Variants in ATOX1 observed in about 807,000 individuals in gnomAD.
ATOX1 encodes the protein antioxidant 1 copper chaperone, also known as copper transport protein ATOX1.
ATOX1 carries 4 observed loss-of-function variants against 7.3 expected under a neutral mutation model. The observed-to-expected ratio is 0.55, with a 90% confidence interval of 0.27 to 1.25. ATOX1 has a LOEUF of 1.25. Among genes scored for constraint, ATOX1 ranks in the 50% most tolerant of loss-of-function variants. The probability of loss-of-function intolerance (pLI) is 0.12; values close to 1 mark genes in which losing one functional copy is unlikely to be tolerated. For missense variants in ATOX1, 68 were observed against 81.6 expected (o/e 0.83, Z 0.64); for synonymous variants, 25 against 28.7 (o/e 0.87, Z 0.41).
At position 151,758,555 on chromosome 5, in the gene ATOX1, T is replaced by C. The variant is rs1762044100; in HGVS notation, c.-4A>G. 2 of 1,437,004 alleles carry C rather than the reference T, an allele frequency of 1.4e-6. No individual in the cohort carries two copies. Among genetic ancestry groups the C allele is most frequent in the Non-Finnish European group, 1.8e-6 (2 of 1,090,700 alleles). 89.0% of individuals were successfully genotyped at this position (1,437,004 alleles called of 1,614,324 possible). A position where few individuals can be genotyped will look rare whatever the true frequency, so the allele number is the denominator to read the frequency against. On this transcript the variant is annotated 5_prime_UTR_variant, in exon 1 of 4. Coordinates refer to ENST00000313115, the MANE Select transcript of ATOX1 (RefSeq NM_004045.4). ...CGGCGCAACCACTCACCGGCATGAC[T>C]GAGGCAGCGGCGGTGTGGCGGCGGT...
intron 1 of ATOX1, among the ~76,000 whole-genome samples, chr5:151,754,286 C>T (rs1439595315): frequency 6.6e-6 from 1 of 152,154 alleles, no homozygotes; most frequent in Non-Finnish European, 1.5e-5. Context: ...CCCCACATTA[C>T]AGTCTGAGAT....
At chr5:151,756,428 C>CTTCTTTCT (rs151169290) in intron 1 of ATOX1, among the ~76,000 whole-genome samples, 2 of 150,560 alleles carry the variant, frequency 1.3e-5, no homozygotes, top group Non-Finnish European at 3.0e-5. Context: ...CTTCTCTTCT[C>CTTCTTTCT]TTCTTTCTTT....
At chr5:151,746,157 G>T in intron 3 of ATOX1, 122 bp downstream of exon 3, 1 of 822,642 alleles carries the variant, frequency 1.2e-6, no homozygotes, top group Non-Finnish European at 1.8e-6. Context: ...AAGGTGGACA[G>T]TGGATTGAAA....
At chr5:151,752,279 TTA>T (rs1275693425) in intron 1 of ATOX1, 2 of 702,546 alleles carry the variant, frequency 2.8e-6, no homozygotes, top group Admixed American at 4.0e-5. Flanking sequence ...GGGGAATCTG[TTA>T]TGTCTACTCA....
At chr5:151,758,498 C>T in intron 1 of ATOX1, 48 bp downstream of exon 1, 1 of 1,479,842 alleles carries the variant, frequency 6.8e-7, no homozygotes, top group Admixed American at 2.3e-5. Context: ...AGCCGAGAAG[C>T]AACCCGGGAC....
chr5:151,756,109 T>C (rs1447295529), intron 1 of ATOX1, among the ~76,000 whole-genome samples: 2 of 151,620 alleles, frequency 1.3e-5, no homozygotes, highest in Non-Finnish European at 2.9e-5. Context: ...GCCCGGCTAA[T>C]TTTTTTGTAT....
chr5:151,752,077 C>T, intron 1 of ATOX1: 2 of 599,748 alleles, frequency 3.3e-6, no homozygotes, highest in Non-Finnish European at 5.9e-6. Context: ...TTTCCCAGTC[C>T]TACCTTCAAA....
At chr5:151,756,467 C>CT (rs369903211) in intron 1 of ATOX1, among the ~76,000 whole-genome samples, 341 of 141,786 alleles carry the variant, frequency 2.4e-3, no homozygotes, top group African/African-American at 5.0e-3. Context: ...TCCTTCCTTC[C>CT]TTTTTTTTTT....
intron 2 of ATOX1, among the ~76,000 whole-genome samples, chr5:151,748,914 G>A (rs1761910236): frequency 6.6e-6 from 1 of 151,900 alleles, no homozygotes; most frequent in Non-Finnish European, 1.5e-5. Flanking sequence ...GCATAACAAA[G>A]CAAGACCCTG....
chr5:151,755,130 T>TAA (rs905226800), intron 1 of ATOX1, among the ~76,000 whole-genome samples: 1 of 149,256 alleles, frequency 6.7e-6, no homozygotes, highest in East Asian at 1.9e-4. Context: ...CGGTGCCGTG[T>TAA]AAAAAAAAAA....
rs1245874800 is a variant in ATOX1, at chr5:151,750,636, TTTTC to T, written c.82+1064_82+1067del. 6.1e-3 allele frequency among the ~76,000 whole-genome samples: 901 copies of T among 147,612 alleles called. 9 individuals carry two copies. The highest frequency in any genetic ancestry group is 0.01 in the Middle Eastern group (3 of 286). ...TTACCTTTTTTTAAATCTTTCCTTT[TTTTC>T]TTTCTTTTTTTTTTTTTTTTTTTGG... On this transcript the variant is annotated intron_variant, in intron 2 of 3. Transcript: ENST00000313115.
At chr5:151,751,825 C>T (rs936454865) in intron 1 of ATOX1, 46 bp from the exon 2 acceptor site, 7 of 1,558,900 alleles carry the variant, frequency 4.5e-6, no homozygotes, top group Non-Finnish European at 6.1e-6. Context: ...TGTAGAGTGA[C>T]CCCCACACAG....
intron 2 of ATOX1, among the ~76,000 whole-genome samples, chr5:151,748,243 T>G (rs908652123): frequency 1.3e-5 from 2 of 152,166 alleles, no homozygotes; most frequent in Non-Finnish European, 2.9e-5. Flanking sequence ...AAACTCTTGA[T>G]AGGTTCTAGG....
intron 1 of ATOX1, among the ~76,000 whole-genome samples, chr5:151,758,217 T>C: frequency 6.6e-6 from 1 of 152,190 alleles, no homozygotes; most frequent in East Asian, 1.9e-4. Context: ...GGACTAGGCG[T>C]CTCAGTTCCC....
At chr5:151,750,414 G>A (rs1300476656) in intron 2 of ATOX1, among the ~76,000 whole-genome samples, 2 of 150,890 alleles carry the variant, frequency 1.3e-5, no homozygotes, top group Non-Finnish European at 2.9e-5. Flanking sequence ...AAAATTCACC[G>A]GAAATCGCCT....
intron 1 of ATOX1, 78 bp downstream of exon 1, chr5:151,758,468 A>G: frequency 6.9e-7 from 1 of 1,439,936 alleles, no homozygotes; most frequent in Admixed American, 2.7e-5. Context: ...CAAGATCAGC[A>G]TCCGGTCAAG....
intron 3 of ATOX1, chr5:151,744,932 C>A (rs28917214): frequency 1.3e-3 from 205 of 152,314 alleles, no homozygotes; most frequent in African/African-American, 4.5e-3. Flanking sequence ...CCCCATTTTA[C>A]CGATGGGAAG....
At chr5:151,758,522 G>A (rs1762043508) in intron 1 of ATOX1, 24 bp downstream of exon 1, 2 of 1,474,168 alleles carry the variant, frequency 1.4e-6, no homozygotes, top group African/African-American at 1.5e-5. Context: ...AAGTCTGCGT[G>A]GCGGGGACGG....
chr5:151,748,396 G>A (rs567498857), intron 2 of ATOX1, among the ~76,000 whole-genome samples: 1 of 152,092 alleles, frequency 6.6e-6, no homozygotes, highest in East Asian at 1.9e-4. Context: ...CCAGCTCAAG[G>A]ATGCCATCAG....
Sources: allele counts gnomAD v4.1 joint callset (sites outside exome capture counted in the v4.1 genomes callset), GRCh38; gene constraint gnomAD v4.1.1; transcripts MANE v1.5; gene names NCBI Gene and HGNC (gene_info 2026-07-23, HGNC 2026-07-21).